Variants in IQSEC1 observed in about 807,000 individuals in gnomAD.
The protein encoded by IQSEC1 is IQ motif and SEC7 domain-containing protein 1.
A neutral mutation model predicts 91.0 loss-of-function variants in IQSEC1; 31 were observed. The observed-to-expected ratio is 0.34, with a 90% CI of 0.26 to 0.46. The LOEUF (loss-of-function observed/expected upper bound fraction) is 0.46, where lower values mean the gene tolerates loss of function less well. IQSEC1 is among the 20% of genes least tolerant of loss of function. IQSEC1 has a pLI of 1.00. For synonymous variants in IQSEC1, 699 were observed against 662.6 expected (o/e 1.05, Z -0.84); for missense variants, 1,388 against 1,575.6 (o/e 0.88, Z 2.02).
chr3:13,194,828 C>T (rs141526923), intron 1 of IQSEC1, among the ~76,000 whole-genome samples: 1 of 152,338 alleles, frequency 6.6e-6, no homozygotes, highest in South Asian at 2.1e-4. Context: ...AAACTCCAGC[C>T]TCAACCTCAG....
intron 1 of IQSEC1, among the ~76,000 whole-genome samples, chr3:12,949,208 C>T (rs907821556): frequency 1.3e-5 from 2 of 152,228 alleles, no homozygotes; most frequent in Non-Finnish European, 2.9e-5. Flanking sequence ...AGGGGAAAAG[C>T]ATGCTGCTGG....
chr3:13,255,430 G>A lies in IQSEC1; in HGVS notation c.272+27281C>T, dbSNP rs532650421. 8.3e-4 allele frequency among the ~76,000 whole-genome samples: 127 copies of A among 152,342 alleles called. 3 individuals carry two copies. The South Asian group carries it at 0.026, about 31-fold the overall frequency. On this transcript the variant is annotated intron_variant, in intron 1 of 15. Transcript: ENST00000648114. ...CAGGGCCTATGCTTGTATTGGAAGA[G>A]TAGAATATGTGCCCAGATTCAAATG...
intron 2 of IQSEC1, among the ~76,000 whole-genome samples, chr3:13,085,431 A>G (rs1215684494): frequency 1.3e-5 from 2 of 152,092 alleles, no homozygotes; most frequent in Non-Finnish European, 2.9e-5. Flanking sequence ...GGAACCCTTC[A>G]GTGCGTAGGG....
intron 1 of IQSEC1, among the ~76,000 whole-genome samples, chr3:13,016,253 C>T (rs527286961): frequency 1.2e-4 from 19 of 152,370 alleles, no homozygotes; most frequent in South Asian, 1.0e-3. Flanking sequence ...GCCTCCTCTC[C>T]GCCAGGAGTG....
At position 13,145,268 on chromosome 3, in the gene IQSEC1, C is replaced by T. The variant is rs548958821; in HGVS notation, c.302+18836G>A. Among the ~76,000 whole-genome samples the T allele has an allele frequency of 2.0e-4, 30 of 152,254 alleles. No homozygotes were observed. The South Asian group carries it at 5.6e-3, about 28-fold the overall frequency. On this transcript the variant is annotated intron_variant, in intron 2 of 15. Transcript: ENST00000648114. ...GTGGTGATAATGATGACATGAAAGA[C>T]ATGAGCAGCCCCGGGCTTGGCTGGT...
At position 12,994,560 on chromosome 3, in the gene IQSEC1, G is replaced by A. The variant is rs1419249126; in HGVS notation, c.24-52695C>T. Among the ~76,000 whole-genome samples, 1 of 152,022 alleles carries A rather than the reference G, an allele frequency of 6.6e-6. No homozygotes were observed. Among genetic ancestry groups the A allele is most frequent in the Non-Finnish European group, 1.5e-5 (1 of 68,006 alleles). On this transcript the variant is annotated intron_variant, in intron 1 of 13. Transcript: ENST00000613206. The surrounding 1 kb of genome is among the most constrained non-coding windows in gnomAD (Gnocchi z 4.5). Reference sequence around the variant, plus strand: ...GACCCCCAATAAACAGCGAACAAACGCACCTCAGGCCAAGTCCCCCGGCTC... The same window carrying A: ...GACCCCCAATAAACAGCGAACAAACACACCTCAGGCCAAGTCCCCCGGCTC...
chr3:13,145,649 G>C (rs182278359), intron 2 of IQSEC1, among the ~76,000 whole-genome samples: 1 of 152,134 alleles, frequency 6.6e-6, no homozygotes, highest in African/African-American at 2.4e-5. Context: ...AAGGCGGAGC[G>C]GGGTGGGCAA....
intron 2 of IQSEC1, among the ~76,000 whole-genome samples, chr3:13,134,014 T>C (rs1706666777): frequency 6.6e-6 from 1 of 152,154 alleles, no homozygotes; most frequent in Admixed American, 6.5e-5. Context: ...CTCCAACAAA[T>C]GTTTTGGGTA....
At chr3:13,066,396 GT>G (rs1559245604) in intron 1 of IQSEC1, among the ~76,000 whole-genome samples, 2 of 152,254 alleles carry the variant, frequency 1.3e-5, no homozygotes, top group Non-Finnish European at 2.9e-5. Flanking sequence ...GGCCGGCACT[GT>G]GTCTGTCACA....
intron 1 of IQSEC1, among the ~76,000 whole-genome samples, chr3:13,197,368 A>G (rs3889824): frequency 0.11 from 16,413 of 152,180 alleles, 1,865 homozygotes; most frequent in East Asian, 0.3. Flanking sequence ...TCCCTGCCCC[A>G]CTGGGGCTGA....
intron 2 of IQSEC1, among the ~76,000 whole-genome samples, chr3:13,096,171 T>G (rs1705951348): frequency 6.6e-6 from 1 of 152,010 alleles, no homozygotes; most frequent in East Asian, 1.9e-4. Flanking sequence ...TCCCCTCTTT[T>G]TCTTCTCATT....
intron 1 of IQSEC1, among the ~76,000 whole-genome samples, chr3:12,946,463 G>A (rs962418018): frequency 1.3e-5 from 2 of 152,172 alleles, no homozygotes; most frequent in Admixed American, 1.3e-4. Context: ...GGTGGCTGCC[G>A]CCCAGCCCCT....
chr3:13,159,633 G>GC (rs199561521), intron 2 of IQSEC1, among the ~76,000 whole-genome samples: 9,913 of 152,210 alleles, frequency 0.065, 387 homozygotes, highest in African/African-American at 0.11. Context: ...ATTTCCCAGA[G>GC]CTGAAAAAAT....
chr3:12,983,168 C>A lies in IQSEC1; in HGVS notation c.24-41303G>T, dbSNP rs1217751310. Among the ~76,000 whole-genome samples the A allele has an allele frequency of 6.6e-6, 1 of 152,228 alleles. No homozygotes were observed. Among genetic ancestry groups the A allele is most frequent in the East Asian group, 1.9e-4 (1 of 5,192 alleles). ...GCCAGCATTCCGCTGGCCCCAGCTG[C>A]ATAATCCAGATCTGAACTGGGTGCT... On this transcript the variant is annotated intron_variant, in intron 1 of 13. Coordinates refer to ENST00000613206, the MANE Select transcript of IQSEC1 (RefSeq NM_001134382.3). This position sits in a 1 kb window ranked among gnomAD's most constrained non-coding sequence, Gnocchi z 4.3.
chr3:12,988,626 A>C (rs1382449923), intron 1 of IQSEC1, among the ~76,000 whole-genome samples: 1 of 152,182 alleles, frequency 6.6e-6, no homozygotes, highest in African/African-American at 2.4e-5. Flanking sequence ...CAGGAAGGGC[A>C]AGAGGGACAT....
At chr3:12,989,452 G>A (rs566012491) in intron 1 of IQSEC1, among the ~76,000 whole-genome samples, 20 of 152,320 alleles carry the variant, frequency 1.3e-4, no homozygotes, top group African/African-American at 4.8e-4. Context: ...TAGGAGGTGG[G>A]TACCATCATC....
At chr3:12,926,032 C>T (rs1249848624) in intron 3 of IQSEC1, among the ~76,000 whole-genome samples, 1 of 152,184 alleles carries the variant, frequency 6.6e-6, no homozygotes, top group Non-Finnish European at 1.5e-5. Context: ...GAGATTGGGC[C>T]AGGAGTGGTG....
In IQSEC1 at chr3:13,180,718, C is replaced by T. The variant is rs927673640; in HGVS notation, c.273-16585G>A. On this transcript the variant is annotated intron_variant, in intron 1 of 15. Transcript: ENST00000648114. ...TTCACTCCTGAAGCCAGCGAGCTCACGAGCCCACCGGGAGGAACGAACAAC... is the reference window on the plus strand; with the variant it reads ...TTCACTCCTGAAGCCAGCGAGCTCATGAGCCCACCGGGAGGAACGAACAAC... 6.4e-4 allele frequency among the ~76,000 whole-genome samples: 96 copies of T among 150,020 alleles called. 2 individuals carry two copies. The highest frequency in any genetic ancestry group is 2.3e-3 in the African/African-American group (92 of 39,476).
At chr3:12,901,713 G>A (rs1272686327) in intron 13 of IQSEC1, among the ~76,000 whole-genome samples, 191 bp from the exon 14 acceptor site, 1 of 152,114 alleles carries the variant, frequency 6.6e-6, no homozygotes, top group East Asian at 1.9e-4. Flanking sequence ...AGGGCAGCTG[G>A]GGGTTACTGG....
Sources: gnomAD v4.1 joint callset for allele counts (sites outside exome capture counted in the v4.1 genomes callset) on GRCh38, gnomAD v4.1.1 for gene constraint, Gnocchi (gnomAD v3.1) non-coding constraint, MANE v1.5 for transcripts, NCBI Gene and HGNC (gene_info 2026-07-23, HGNC 2026-07-21) for gene names.